ACADL: variants seen among roughly 807,000 people sequenced by gnomAD.
The protein encoded by ACADL is long-chain specific acyl-CoA dehydrogenase, mitochondrial.
ACADL carries 60 observed loss-of-function variants against 56.9 expected under a neutral mutation model. The observed-to-expected ratio is 1.05, with a 90% CI of 0.86 to 1.31. The LOEUF (loss-of-function observed/expected upper bound fraction) is 1.31, where lower values mean the gene tolerates loss of function less well. Among genes scored for constraint, ACADL ranks in the 50% most tolerant of loss-of-function variants. The probability of loss-of-function intolerance (pLI) is 0.00; values close to 1 mark genes in which losing one functional copy is unlikely to be tolerated. For synonymous variants in ACADL, 158 were observed against 179.7 expected (o/e 0.88, Z 0.97); for missense variants, 484 against 525.5 (o/e 0.92, Z 0.77).
intron 4 of ACADL, among the ~76,000 whole-genome samples, chr2:210,211,979 T>C (rs929635216): frequency 6.6e-6 from 1 of 152,008 alleles, no homozygotes; most frequent in Non-Finnish European, 1.5e-5. Flanking sequence ...TACAGGCGTA[T>C]GCCACCATGC....
At chr2:210,210,381 G>T in intron 4 of ACADL, 119 bp from the exon 5 acceptor site, 1 of 727,778 alleles carries the variant, frequency 1.4e-6, no homozygotes, top group Non-Finnish European at 2.3e-6. Context: ...TAAAATTGCT[G>T]AGTATTAAGA....
chr2:210,219,108 A>G (rs1320571700), intron 2 of ACADL, among the ~76,000 whole-genome samples: 2 of 152,218 alleles, frequency 1.3e-5, no homozygotes, highest in African/African-American at 4.8e-5. Flanking sequence ...GACTTGGATT[A>G]TCATGTGTGT....
At chr2:210,189,197 G>A (rs572592795) in intron 10 of ACADL, 143 bp from the exon 11 acceptor site, 4 of 617,086 alleles carry the variant, frequency 6.5e-6, no homozygotes, top group East Asian at 5.9e-5. Flanking sequence ...TTTCAATATG[G>A]CATTCATCCT....
chr2:210,224,708 C>A, intron 1 of ACADL: 1 of 987,158 alleles, frequency 1.0e-6, no homozygotes, highest in Non-Finnish European at 1.2e-6. Context: ...AGCCCGGGCA[C>A]TGAGTCCGGG....
At chr2:210,224,905 G>A (rs145768488) in intron 1 of ACADL, 63 of 1,264,786 alleles carry the variant, frequency 5.0e-5, no homozygotes, top group Middle Eastern at 3.1e-4. Context: ...TTGGGGCTCC[G>A]GAATGAACTT....
rs1351931072 is a variant in ACADL at position 210,218,027 on chromosome 2, A to G, written c.309T>C (p.Ile103=). ...CTCCAATTCCACCAAGATGCTCTGCAATATTGACACCAAGCAGTCCTTGTT... is the reference window on the plus strand; with the variant it reads ...CTCCAATTCCACCAAGATGCTCTGCGATATTGACACCAAGCAGTCCTTGTT... The part of the protein sequence containing the change: ...AGKQGLLGVN[I]AEHLGGIGGD... The change falls in exon 3 of 11, where the codon ATT becomes ATC. Residue 103 remains isoleucine, a synonymous_variant. Transcript: ENST00000233710. 1.2e-6 allele frequency: 2 copies of G among 1,614,080 alleles called. No individual in the cohort carries two copies. Among genetic ancestry groups the G allele is most frequent in the Admixed American group, 3.3e-5 (2 of 59,980 alleles).
intron 10 of ACADL, among the ~76,000 whole-genome samples, chr2:210,191,356 A>G (rs1056651494): frequency 1.3e-5 from 2 of 152,176 alleles, no homozygotes; most frequent in African/African-American, 4.8e-5. Context: ...TCAAACTGAA[A>G]CCAGAGATTT....
At chr2:210,203,300 A>G (rs1016655243) in intron 8 of ACADL, 31 bp downstream of exon 8, 1 of 1,447,424 alleles carries the variant, frequency 6.9e-7, no homozygotes, top group African/African-American at 1.4e-5. Flanking sequence ...AACTGATACC[A>G]TCTAATACTA....
Position 210,225,381 on chromosome 2 carries a change from C to T in ACADL, c.-118G>A. The T allele has an allele frequency of 3.4e-6, 4 of 1,172,398 alleles. No individual in the cohort carries two copies. The highest frequency in any genetic ancestry group is 4.7e-6 in the Non-Finnish European group (4 of 854,494). 72.6% of individuals were successfully genotyped at this position (1,172,398 alleles called of 1,614,324 possible). A position where few individuals can be genotyped will look rare whatever the true frequency, so the allele number is the denominator to read the frequency against. On this transcript the variant is annotated 5_prime_UTR_variant, in exon 1 of 11. Transcript: ENST00000233710. Reference sequence around the variant, plus strand: ...GAGGCGTCCACCTGTGGTGTCCTCCCAAAAAAGCGCTCGCGCGCGCCCTTC... The same window carrying T: ...GAGGCGTCCACCTGTGGTGTCCTCCTAAAAAAGCGCTCGCGCGCGCCCTTC...
chr2:210,190,184 A>T (rs1264417128), intron 10 of ACADL, among the ~76,000 whole-genome samples: 3 of 152,214 alleles, frequency 2.0e-5, no homozygotes. Context: ...ATGGACACTC[A>T]GTAAATATTT....
chr2:210,195,190 T>C, intron 9 of ACADL, 21 bp downstream of exon 9: 5 of 1,613,740 alleles, frequency 3.1e-6, no homozygotes, highest in Non-Finnish European at 4.2e-6. Flanking sequence ...CACCGCACTC[T>C]AATTACTGTA....
chr2:210,211,975 C>T (rs1005100143), intron 4 of ACADL, among the ~76,000 whole-genome samples: 2 of 151,906 alleles, frequency 1.3e-5, no homozygotes, highest in Admixed American at 6.6e-5. Flanking sequence ...GGATTACAGG[C>T]GTATGCCACC....
intron 4 of ACADL, among the ~76,000 whole-genome samples, chr2:210,211,832 T>C (rs1475463893): frequency 0.077 from 4 of 52 alleles, no homozygotes; most frequent in African/African-American, 0.29. Flanking sequence ...CCCTCAGCAT[T>C]TTTTTTTTTT....
chr2:210,221,585 A>G (rs1023002481), intron 1 of ACADL, among the ~76,000 whole-genome samples: 3 of 152,150 alleles, frequency 2.0e-5, no homozygotes, highest in African/African-American at 7.2e-5. Flanking sequence ...ATTAAATTCT[A>G]ATTTAGTGTA....
intron 4 of ACADL, among the ~76,000 whole-genome samples, chr2:210,215,223 C>T (rs1466580403): frequency 4.6e-5 from 7 of 152,134 alleles, no homozygotes; most frequent in Non-Finnish European, 8.8e-5. Context: ...TTCCTTTTAC[C>T]ACTCAGCTCT....
chr2:210,210,236 G>A lies in ACADL; in HGVS notation c.563C>T (p.Ala188Val), dbSNP rs749833302. The stretch of plus-strand genomic sequence containing the variant: ...AATCCAGTCACTTCCATCCTTTTTA[G>A]CATTTGTTTTTATTCCCTGTAAGTC... ...GSDLQGIKTNAKKDGSDWILN... is the reference protein window; with the variant it reads ...GSDLQGIKTNVKKDGSDWILN... The change falls in exon 5 of 11, where the codon GCT (alanine) becomes GTT (valine). Residue 188 changes from alanine (A) to valine (V), a missense_variant. Ala to Val is a moderately conservative substitution (Grantham distance 64). Transcript: ENST00000233710. 1 of 1,612,294 alleles carries A rather than the reference G, an allele frequency of 6.2e-7. No individual in the cohort carries two copies. The highest frequency in any genetic ancestry group is 1.7e-5 in the Admixed American group (1 of 59,976).
intron 8 of ACADL, among the ~76,000 whole-genome samples, chr2:210,202,442 C>T (rs1338733047): frequency 6.6e-6 from 1 of 152,082 alleles, no homozygotes; most frequent in East Asian, 1.9e-4. Flanking sequence ...TTGTAGTTTT[C>T]TACCAACAGA....
intron 2 of ACADL, among the ~76,000 whole-genome samples, chr2:210,219,379 G>A (rs1304423240): frequency 2.6e-5 from 4 of 152,094 alleles, no homozygotes; most frequent in African/African-American, 7.2e-5. Flanking sequence ...CAGGAGGATC[G>A]CTTGAGCCCA....
intron 7 of ACADL, 79 bp from the exon 8 acceptor site, chr2:210,203,523 C>T: frequency 1.2e-6 from 1 of 861,848 alleles, no homozygotes; most frequent in Non-Finnish European, 1.9e-6. Context: ...ACGATAAATC[C>T]TATAAATTAT....
Sources: gnomAD v4.1 joint callset for allele counts (sites outside exome capture counted in the v4.1 genomes callset) on GRCh38, gnomAD v4.1.1 for gene constraint, MANE v1.5 for transcripts, NCBI Gene and HGNC (gene_info 2026-07-23, HGNC 2026-07-21) for gene names.